Variants in NCKAP5 observed in about 807,000 individuals in gnomAD.
NCKAP5 encodes the protein nck-associated protein 5.
Under a neutral mutation model 167.0 loss-of-function variants are expected in NCKAP5, and 92 were observed. The observed-to-expected ratio is 0.55, with a 90% confidence interval of 0.47 to 0.66. The LOEUF (loss-of-function observed/expected upper bound fraction) is 0.66. Among genes scored for constraint, NCKAP5 ranks in the 30% least tolerant of loss-of-function variants. The pLI is 0.00. For missense variants in NCKAP5, 2,378 were observed against 2,315.0 expected, an observed-to-expected ratio of 1.03 and a Z score of -0.56; for synonymous variants, 891 against 877.4, an observed-to-expected ratio of 1.02 and a Z score of -0.27.
chr2:133,004,420 G>C (rs1192736881), intron 6 of NCKAP5, among the ~76,000 whole-genome samples: 2 of 152,146 alleles, frequency 1.3e-5, no homozygotes, highest in Non-Finnish European at 2.9e-5. Context: ...AGAGTACAAA[G>C]AGAGAAATTT....
intron 16 of NCKAP5, among the ~76,000 whole-genome samples, chr2:132,756,251 A>T (rs994578439): frequency 6.6e-6 from 1 of 152,234 alleles, no homozygotes; most frequent in Non-Finnish European, 1.5e-5. Context: ...TTTCTAGTGT[A>T]CTTAGGTCCG....
chr2:132,721,970 G>T (rs1238362702), intron 19 of NCKAP5, among the ~76,000 whole-genome samples: 2 of 152,196 alleles, frequency 1.3e-5, no homozygotes, highest in Admixed American at 6.5e-5. Flanking sequence ...AGAGGGGTTT[G>T]CTCTGGTTGG....
intron 6 of NCKAP5, among the ~76,000 whole-genome samples, chr2:133,095,841 G>A (rs1007081709): frequency 2.6e-5 from 4 of 152,042 alleles, no homozygotes; most frequent in African/African-American, 7.2e-5. Context: ...TGGACCATAC[G>A]AAATTGCCAT....
chr2:133,401,212 G>T (rs1688075467), intron 3 of NCKAP5, among the ~76,000 whole-genome samples: 1 of 152,202 alleles, frequency 6.6e-6, no homozygotes, highest in African/African-American at 2.4e-5. Flanking sequence ...AACGCATTGA[G>T]GTTCTGGCAG....
Position 133,053,598 on chromosome 2 carries a change from G to C in NCKAP5, c.342-59359C>G, listed in dbSNP as rs2079684734. ...TTCTTTACTTTCTGAATCCTACTGT[G>C]CCATGCATGGCCATGCAAATCAGCA... is the stretch of plus-strand genomic sequence containing the variant. On this transcript the variant is annotated intron_variant, in intron 6 of 19. Coordinates refer to ENST00000409261, the MANE Select transcript of NCKAP5 (RefSeq NM_207363.3). 2.6e-5 allele frequency among the ~76,000 whole-genome samples: 4 copies of C among 152,148 alleles called. No homozygotes were observed. The South Asian group carries it at 8.3e-4, about 32-fold the overall frequency.
At chr2:133,528,943 T>C (rs1048020524) in intron 2 of NCKAP5, among the ~76,000 whole-genome samples, 1 of 152,190 alleles carries the variant, frequency 6.6e-6, no homozygotes, top group Non-Finnish European at 1.5e-5. Context: ...CTAGAAAGTT[T>C]CAATTTGTCT....
intron 3 of NCKAP5, among the ~76,000 whole-genome samples, chr2:133,323,233 G>C (rs187422285): frequency 1.3e-5 from 2 of 152,246 alleles, no homozygotes; most frequent in Admixed American, 6.5e-5. Flanking sequence ...TCGTGATCAT[G>C]TAAAATCAGG....
Position 132,868,929 on chromosome 2 carries a change from G to T in NCKAP5, c.687+7C>A. ...CTTGAAAAGAACAAAGTCAGAAAGT[G>T]ACCTACCTTTTGAGTAAGCAGAGCT... On this transcript the variant is annotated splice_region_variant and intron_variant, in intron 10 of 19. Transcript: ENST00000409261. 1 of 1,543,724 alleles carries T rather than the reference G, an allele frequency of 6.5e-7. No individual in the cohort carries two copies. The highest frequency in any genetic ancestry group is 2.4e-5 in the East Asian group (1 of 41,222).
chr2:132,908,389 AAGTATCC>A (rs1478185435), intron 8 of NCKAP5, among the ~76,000 whole-genome samples: 1 of 152,102 alleles, frequency 6.6e-6, no homozygotes, highest in Non-Finnish European at 1.5e-5. Flanking sequence ...CTTGAAATGC[AAGTATCC>A]AGAATCAAAT....
chr2:132,794,736 C>A (rs939287271), intron 12 of NCKAP5, among the ~76,000 whole-genome samples: 1 of 151,938 alleles, frequency 6.6e-6, no homozygotes, highest in South Asian at 2.1e-4. Context: ...CATGGTCTCC[C>A]TACGGGACCC....
intron 3 of NCKAP5, among the ~76,000 whole-genome samples, chr2:133,312,163 G>T (rs1681282194): frequency 6.6e-6 from 1 of 152,114 alleles, no homozygotes; most frequent in Admixed American, 6.5e-5. Context: ...TATAACCTCT[G>T]TCATATATGG....
At chr2:132,673,335 CAT>C (rs1227806341) in intron 19 of NCKAP5, 30 bp from the exon 20 acceptor site, 11 of 1,396,962 alleles carry the variant, frequency 7.9e-6, no homozygotes, top group Middle Eastern at 1.8e-4. Flanking sequence ...ATATTAGAAA[CAT>C]ATTTCTTTGG....
chr2:133,426,384 TAAAAA>T (rs141816071), intron 3 of NCKAP5, among the ~76,000 whole-genome samples: 12 of 116,210 alleles, frequency 1.0e-4, no homozygotes, highest in African/African-American at 3.6e-4. Context: ...TGCTTTTATT[TAAAAA>T]AAAAAGATAG....
chr2:133,201,933 T>G (rs2085710958), intron 5 of NCKAP5, among the ~76,000 whole-genome samples: 1 of 152,138 alleles, frequency 6.6e-6, no homozygotes, highest in Non-Finnish European at 1.5e-5. Context: ...ATAGGAAGAA[T>G]CATTATCATC....
intron 3 of NCKAP5, among the ~76,000 whole-genome samples, chr2:133,452,700 A>C (rs1691623438): frequency 6.6e-6 from 1 of 152,192 alleles, no homozygotes; most frequent in Non-Finnish European, 1.5e-5. Flanking sequence ...AAATCCATTC[A>C]GAACAAGATT....
intron 8 of NCKAP5, among the ~76,000 whole-genome samples, chr2:132,886,791 C>T (rs1046641692): frequency 1.3e-5 from 2 of 152,152 alleles, no homozygotes; most frequent in Non-Finnish European, 2.9e-5. Context: ...CCTATTACTA[C>T]AGGTGGAGTA....
At chr2:132,908,328 T>G (rs551475293) in intron 8 of NCKAP5, among the ~76,000 whole-genome samples, 1 of 152,290 alleles carries the variant, frequency 6.6e-6, no homozygotes, top group Non-Finnish European at 1.5e-5. Context: ...GTCTTTTCTC[T>G]TTCTCTTCTT....
At chr2:133,084,948 T>C (rs1441437383) in intron 6 of NCKAP5, among the ~76,000 whole-genome samples, 1 of 152,212 alleles carries the variant, frequency 6.6e-6, no homozygotes, top group Non-Finnish European at 1.5e-5. Context: ...AAAGTTTTTA[T>C]TAAAGGGCCT....
chr2:133,359,133 C>A (rs1336608016), intron 3 of NCKAP5, among the ~76,000 whole-genome samples: 1 of 152,172 alleles, frequency 6.6e-6, no homozygotes. Flanking sequence ...CATTGACATT[C>A]CTTTAACAAT....
Sources: allele counts gnomAD v4.1 joint callset (sites outside exome capture counted in the v4.1 genomes callset), GRCh38; gene constraint gnomAD v4.1.1; transcripts MANE v1.5; gene names NCBI Gene and HGNC (gene_info 2026-07-23, HGNC 2026-07-21).